The following TPCN1 variants were observed in gnomAD, a reference collection of about 807,000 sequenced individuals.
TPCN1 encodes the protein two pore segment channel 1, also known as two pore channel protein 1.
A neutral mutation model predicts 108.8 loss-of-function variants in TPCN1; 52 were observed. The observed-to-expected ratio is 0.48, with a 90% confidence interval of 0.38 to 0.60. The LOEUF (loss-of-function observed/expected upper bound fraction) is 0.60, where lower values mean the gene tolerates loss of function less well. TPCN1 is among the 20% of genes least tolerant of loss of function. The pLI is 0.00. For missense variants in TPCN1, 806 were observed against 1,072.8 expected, an observed-to-expected ratio of 0.75 and a Z score of 3.47; for synonymous variants, 446 against 433.7, an observed-to-expected ratio of 1.03 and a Z score of -0.35.
At position 113,268,757 on chromosome 12, in the gene TPCN1, G is replaced by A; in HGVS notation, c.544G>A (p.Val182Met). ...RTMVKTSVLV[V>M]QFVEAIVVLV... ...CCACCCACAGACCTCGGTGCTGGTG[G>A]TGCAGTTTGTCGAGGCCATCGTGGT... The change falls in exon 6 of 28, where the codon GTG (valine) becomes ATG (methionine). Residue 182 changes from valine to methionine, a missense_variant. Val to Met is a conservative substitution (Grantham distance 21). Transcript: ENST00000335509. The surrounding 1 kb of genome is among the most constrained non-coding windows in gnomAD (Gnocchi z 7.3). The A allele has an allele frequency of 1.2e-6, 2 of 1,613,786 alleles. No individual in the cohort carries two copies. The highest frequency in any genetic ancestry group is 1.7e-4 in the Middle Eastern group (1 of 5,844).
chr12:113,265,871 C>T (rs1183752190), intron 3 of TPCN1, among the ~76,000 whole-genome samples: 1 of 152,182 alleles, frequency 6.6e-6, no homozygotes, highest in East Asian at 1.9e-4. Flanking sequence ...CTCAAGGGAT[C>T]TTCCCGCCTT....
At chr12:113,291,493 ACC>A (rs1417034612) in intron 23 of TPCN1, 114 bp from the exon 24 acceptor site, 4 of 872,240 alleles carry the variant, frequency 4.6e-6, no homozygotes, top group Non-Finnish European at 7.3e-6. Flanking sequence ...ATCTCTCACA[ACC>A]AGCCACAAAT....
chr12:113,284,503 C>T lies in TPCN1; in HGVS notation c.1343-78C>T. 6.5e-7 allele frequency: 1 copy of T among 1,543,646 alleles called. No homozygotes were observed. The highest frequency in any genetic ancestry group is 8.9e-7 in the Non-Finnish European group (1 of 1,118,376). On this transcript the variant is annotated intron_variant, in intron 15 of 27. Transcript: ENST00000335509. This position sits in a 1 kb window ranked among gnomAD's most constrained non-coding sequence, Gnocchi z 4.1. The stretch of plus-strand genomic sequence containing the variant: ...TCCCGTAGAGCTCCAGGAAGTTAAC[C>T]AGGGACTTCAGCTGCGACCTGCAGA...
chr12:113,284,730 TCTC>T lies in TPCN1; in HGVS notation c.1414_1416del (p.Ser472del). Reference sequence around the variant, plus strand: ...CTCTGTCTTACAGGTGGGAACTTCTTCTCCAAGCACGTGCCCTGGAGTTACCTC... The same window carrying T: ...CTCTGTCTTACAGGTGGGAACTTCTTCAAGCACGTGCCCTGGAGTTACCTC... On this transcript the variant is annotated inframe_deletion, in exon 17 of 28. Transcript: ENST00000335509. The surrounding 1 kb of genome is among the most constrained non-coding windows in gnomAD (Gnocchi z 4.1). 1 of 1,614,186 alleles carries T rather than the reference TCTC, an allele frequency of 6.2e-7. No homozygotes were observed. The highest frequency in any genetic ancestry group is 8.5e-7 in the Non-Finnish European group (1 of 1,180,030).
rs181219086 is a variant in TPCN1, at chr12:113,267,600, C to G, written c.415-243C>G. The stretch of plus-strand genomic sequence containing the variant: ...CTTACTTTTAAACTTCAGGCTCCTT[C>G]CTGATTTTTCATCATTTGGGCCAGC... On this transcript the variant is annotated intron_variant, in intron 4 of 27. Transcript: ENST00000335509. Among the ~76,000 whole-genome samples, 970 of 152,196 alleles carry G rather than the reference C, an allele frequency of 6.4e-3. 6 individuals are homozygous for G. Among genetic ancestry groups the G allele is most frequent in the Non-Finnish European group, 9.8e-3 (668 of 67,998 alleles).
chr12:113,293,477 A>T, intron 27 of TPCN1, 128 bp downstream of exon 27: 1 of 914,780 alleles, frequency 1.1e-6, no homozygotes, highest in Non-Finnish European at 1.8e-6. Context: ...GTCCATCGGG[A>T]CCACTGCTGG....
Position 113,266,819 on chromosome 12 carries a change from G to A in TPCN1, c.414+463G>A, listed in dbSNP as rs1955280325. Among the ~76,000 whole-genome samples the A allele has an allele frequency of 6.6e-6, 1 of 152,230 alleles. No homozygotes were observed. Among genetic ancestry groups the A allele is most frequent in the Non-Finnish European group, 1.5e-5 (1 of 68,034 alleles). ...TGGGGGCCAGAACAGGTGTGGAGCTGTGCTTGTCCCCTTCTCAAGGGGTGT... is the reference window on the plus strand; with the variant it reads ...TGGGGGCCAGAACAGGTGTGGAGCTATGCTTGTCCCCTTCTCAAGGGGTGT... On this transcript the variant is annotated intron_variant, in intron 4 of 27. Coordinates refer to ENST00000335509, the MANE Select transcript of TPCN1 (RefSeq NM_017901.6). This position sits in a 1 kb window ranked among gnomAD's most constrained non-coding sequence, Gnocchi z 4.2.
At chr12:113,226,696 T>C (rs749655059) in intron 1 of TPCN1, 32 bp from the exon 2 acceptor site, 1 of 1,450,024 alleles carries the variant, frequency 6.9e-7, no homozygotes, top group East Asian at 2.5e-5. Flanking sequence ...TTTTAATAAT[T>C]ATCTTTTATT....
intron 18 of TPCN1, among the ~76,000 whole-genome samples, chr12:113,286,476 C>T (rs760156210): frequency 1.2e-4 from 16 of 128,634 alleles, no homozygotes; most frequent in South Asian, 2.5e-4. Flanking sequence ...GCCGACAGCA[C>T]GTGTGTGCCC....
chr12:113,243,098 G>A (rs764472325), intron 2 of TPCN1, among the ~76,000 whole-genome samples: 7 of 152,182 alleles, frequency 4.6e-5, no homozygotes, highest in Non-Finnish European at 7.3e-5. Context: ...GGCCGGGTGC[G>A]GTGCCTCACA....
chr12:113,233,777 G>A (rs1259301313), intron 2 of TPCN1, among the ~76,000 whole-genome samples: 1 of 152,148 alleles, frequency 6.6e-6, no homozygotes, highest in East Asian at 1.9e-4. Flanking sequence ...CAGCAGATTT[G>A]GGGGGCCGTT....
At chr12:113,240,378 G>C (rs1311037539) in intron 2 of TPCN1, among the ~76,000 whole-genome samples, 2 of 152,182 alleles carry the variant, frequency 1.3e-5, no homozygotes, top group African/African-American at 4.8e-5. Context: ...CATTTTCTGA[G>C]TGTCGCGCAG....
intron 2 of TPCN1, among the ~76,000 whole-genome samples, chr12:113,256,376 G>A (rs1381306390): frequency 6.6e-6 from 1 of 151,390 alleles, no homozygotes; most frequent in Non-Finnish European, 1.5e-5. Context: ...TTGGACTCCT[G>A]GATTAGGGAC....
Position 113,288,261 on chromosome 12 carries a change from C to A in TPCN1, c.1706+27C>A. On this transcript the variant is annotated intron_variant, in intron 20 of 27. Coordinates refer to ENST00000335509, the MANE Select transcript of TPCN1 (RefSeq NM_017901.6). The surrounding 1 kb of genome is among the most constrained non-coding windows in gnomAD (Gnocchi z 4.8). Reference sequence around the variant, plus strand: ...TACTGCCAGCCCCCACCCTGGCCTGCAGGTCCAGGTGCCGTGTGGCAGTGC... The same window carrying A: ...TACTGCCAGCCCCCACCCTGGCCTGAAGGTCCAGGTGCCGTGTGGCAGTGC... The A allele has an allele frequency of 6.2e-7, 1 of 1,613,262 alleles. No individual in the cohort carries two copies. The highest frequency in any genetic ancestry group is 2.2e-5 in the East Asian group (1 of 44,850).
intron 18 of TPCN1, among the ~76,000 whole-genome samples, 177 bp from the exon 19 acceptor site, chr12:113,286,810 C>T (rs901132730): frequency 1.3e-5 from 2 of 152,194 alleles, no homozygotes; most frequent in Admixed American, 1.3e-4. Context: ...TGGGACAGGG[C>T]CTGGCCACCT....
Position 113,226,838 on chromosome 12 carries a change from A to G in TPCN1, c.-15A>G. On this transcript the variant is annotated 5_prime_UTR_variant, in exon 2 of 28. Coordinates refer to ENST00000335509, the MANE Select transcript of TPCN1 (RefSeq NM_017901.6). Reference sequence around the variant, plus strand: ...CCCTGGATATCATATCCTGAGGGCCACAGGAGAAGAGAACATGGCTGTGAG... The same window carrying G: ...CCCTGGATATCATATCCTGAGGGCCGCAGGAGAAGAGAACATGGCTGTGAG... The G allele has an allele frequency of 1.2e-6, 2 of 1,614,192 alleles. No individual in the cohort carries two copies. Among genetic ancestry groups the G allele is most frequent in the Non-Finnish European group, 1.7e-6 (2 of 1,180,024 alleles).
chr12:113,274,628 A>G (rs905379038), intron 10 of TPCN1, among the ~76,000 whole-genome samples: 1 of 152,202 alleles, frequency 6.6e-6, no homozygotes, highest in Non-Finnish European at 1.5e-5. Context: ...TAATAACCAT[A>G]AAAGCTGGCA....
intron 1 of TPCN1, among the ~76,000 whole-genome samples, chr12:113,225,502 G>A (rs1021935255): frequency 2.0e-5 from 3 of 151,940 alleles, no homozygotes; most frequent in African/African-American, 4.8e-5. Flanking sequence ...CCCTCCCTCC[G>A]TATTTTAATG....
At position 113,291,595 on chromosome 12, in the gene TPCN1, C is replaced by G. The variant is rs1566206338; in HGVS notation, c.1960-14C>G. 1.9e-6 allele frequency: 3 copies of G among 1,610,538 alleles called. No individual in the cohort carries two copies. The highest frequency in any genetic ancestry group is 3.4e-5 in the Admixed American group (2 of 59,688). Reference sequence around the variant, plus strand: ...ATGGGCACCCCCTCACTGGCTGCTTCCCTTGGTCTCCAGGAAGGCGTCACC... The same window carrying G: ...ATGGGCACCCCCTCACTGGCTGCTTGCCTTGGTCTCCAGGAAGGCGTCACC... On this transcript the variant is annotated splice_polypyrimidine_tract_variant and intron_variant, in intron 23 of 27. Coordinates refer to ENST00000335509, the MANE Select transcript of TPCN1 (RefSeq NM_017901.6).
Sources: allele counts gnomAD v4.1 joint callset (sites outside exome capture counted in the v4.1 genomes callset), GRCh38; gene constraint gnomAD v4.1.1; non-coding constraint Gnocchi (gnomAD v3.1); transcripts MANE v1.5; gene names NCBI Gene and HGNC (gene_info 2026-07-23, HGNC 2026-07-21).